Variants in FCHO2 observed in about 807,000 individuals in gnomAD.
The protein encoded by FCHO2 is F-BAR domain only protein 2.
FCHO2 carries 43 observed loss-of-function variants against 114.1 expected under a neutral mutation model. That is an observed-to-expected ratio of 0.38 (90% CI 0.30 to 0.49). The LOEUF (loss-of-function observed/expected upper bound fraction) is 0.49. Ranked by LOEUF, FCHO2 falls within the 20% of genes least tolerant of loss-of-function variation. The probability of loss-of-function intolerance (pLI) is 0.97; values close to 1 mark genes in which losing one functional copy is unlikely to be tolerated. For missense variants in FCHO2, 807 were observed against 950.4 expected, an observed-to-expected ratio of 0.85 and a Z score of 1.98; for synonymous variants, 293 against 315.2, an observed-to-expected ratio of 0.93 and a Z score of 0.75.
chr5:73,034,277 C>T (rs1309139408), intron 8 of FCHO2, among the ~76,000 whole-genome samples: 1 of 152,064 alleles, frequency 6.6e-6, no homozygotes, highest in East Asian at 1.9e-4. Context: ...CTGTTCTTCC[C>T]ATGAACACCA....
In FCHO2 at chr5:73,054,560, C is replaced by T. The variant is rs1157552248; in HGVS notation, c.1210+11C>T. On this transcript the variant is annotated intron_variant, in intron 15 of 25. Transcript: ENST00000430046. Reference sequence around the variant, plus strand: ...ATCGGAATTTGTCTAGTAAGTTTGACATTTGAATTGTTTATTTTATGTCTA... The same window carrying T: ...ATCGGAATTTGTCTAGTAAGTTTGATATTTGAATTGTTTATTTTATGTCTA... 3 of 1,531,176 alleles carry T rather than the reference C, an allele frequency of 2.0e-6. No homozygotes were observed. Among genetic ancestry groups the T allele is most frequent in the African/African-American group, 1.4e-5 (1 of 72,156 alleles). The allele number at this position is 1,531,176 out of a possible 1,614,324, so 94.8% of individuals were successfully genotyped here.
chr5:73,085,862 C>T (rs1390446754), intron 24 of FCHO2, among the ~76,000 whole-genome samples: 1 of 149,770 alleles, frequency 6.7e-6, no homozygotes, highest in African/African-American at 2.5e-5. Flanking sequence ...CGGTGGCTCA[C>T]ACCTGAAATC....
chr5:73,048,557 A>G (rs1757178048), intron 11 of FCHO2, among the ~76,000 whole-genome samples: 1 of 152,178 alleles, frequency 6.6e-6, no homozygotes, highest in African/African-American at 2.4e-5. Flanking sequence ...CATTTTGTGT[A>G]TGTACCATAG....
rs1554068866 is a variant in FCHO2, at chr5:73,020,740, T to G, written c.796+3432T>G. On this transcript the variant is annotated intron_variant, in intron 8 of 25. Coordinates refer to ENST00000430046, the MANE Select transcript of FCHO2 (RefSeq NM_138782.3). ...GCTCATTTTCTGTTCTACATCCACC[T>G]TCTCCAAAACCTTAACAAATTCTGT... 12 of 1,183,522 alleles carry G rather than the reference T, an allele frequency of 1.0e-5. 1 individual carries two copies. Among genetic ancestry groups the G allele is most frequent in the Middle Eastern group, 2.8e-4 (1 of 3,622 alleles). 73.3% of individuals were successfully genotyped at this position (1,183,522 alleles called of 1,614,324 possible).
At chr5:73,043,162 C>G (rs1448684489) in intron 11 of FCHO2, among the ~76,000 whole-genome samples, 2 of 151,948 alleles carry the variant, frequency 1.3e-5, no homozygotes, top group Non-Finnish European at 2.9e-5. Context: ...GACCTCCTGG[C>G]TTCAAGCCAT....
intron 5 of FCHO2, among the ~76,000 whole-genome samples, chr5:72,993,295 CTT>C (rs1014946416): frequency 1.3e-5 from 2 of 151,894 alleles, no homozygotes; most frequent in African/African-American, 4.8e-5. Flanking sequence ...AAACTTTAGA[CTT>C]GATATAGTCA....
intron 6 of FCHO2, among the ~76,000 whole-genome samples, chr5:73,007,382 T>C (rs1300350020): frequency 1.3e-5 from 2 of 152,220 alleles, no homozygotes; most frequent in Non-Finnish European, 2.9e-5. Context: ...ATGAGTTCTT[T>C]TACCTATATT....
intron 1 of FCHO2, among the ~76,000 whole-genome samples, chr5:72,957,656 T>C (rs1414221268): frequency 6.6e-6 from 1 of 152,196 alleles, no homozygotes; most frequent in Non-Finnish European, 1.5e-5. Context: ...GCATGAACAT[T>C]TTTGTACAAG....
chr5:73,050,362 A>G (rs987625437), intron 11 of FCHO2, among the ~76,000 whole-genome samples: 5 of 150,806 alleles, frequency 3.3e-5, no homozygotes, highest in African/African-American at 1.2e-4. Flanking sequence ...CTCTTTTGCC[A>G]GGCTGGAGTG....
At chr5:73,044,199 G>A (rs920369616) in intron 11 of FCHO2, among the ~76,000 whole-genome samples, 3 of 152,086 alleles carry the variant, frequency 2.0e-5, no homozygotes, top group Non-Finnish European at 4.4e-5. Flanking sequence ...ACTGTGAACC[G>A]ATTAAACTTC....
intron 2 of FCHO2, among the ~76,000 whole-genome samples, chr5:72,978,152 A>G (rs931132046): frequency 4.6e-5 from 7 of 152,224 alleles, no homozygotes; most frequent in African/African-American, 1.7e-4. Flanking sequence ...GAAGAAAGTC[A>G]ATGATTGCTT....
At chr5:73,050,109 CAT>C (rs1246350445) in intron 11 of FCHO2, among the ~76,000 whole-genome samples, 2 of 152,064 alleles carry the variant, frequency 1.3e-5, no homozygotes, top group African/African-American at 4.8e-5. Flanking sequence ...ATCTTTAAAA[CAT>C]AATCACAATA....
At chr5:72,956,251 C>A in intron 1 of FCHO2, 122 bp downstream of exon 1, 2 of 1,334,696 alleles carry the variant, frequency 1.5e-6, no homozygotes, top group South Asian at 1.4e-5. Context: ...GTCCTCCTGC[C>A]GCGTCCCGCC....
intron 8 of FCHO2, among the ~76,000 whole-genome samples, chr5:73,026,826 G>T (rs1357820911): frequency 6.6e-6 from 1 of 151,888 alleles, no homozygotes; most frequent in East Asian, 1.9e-4. Context: ...CAAGCAGCTG[G>T]GCTTACAGGC....
At chr5:72,974,867 C>T (rs528649180) in intron 2 of FCHO2, among the ~76,000 whole-genome samples, 2 of 152,282 alleles carry the variant, frequency 1.3e-5, no homozygotes, top group Admixed American at 1.3e-4. Context: ...ATGTTTAGCG[C>T]TTCCTTCGGG....
At position 73,015,725 on chromosome 5, in the gene FCHO2, G is replaced by A; in HGVS notation, c.699+1G>A. On this transcript the variant is annotated splice_donor_variant, in intron 7 of 25. Transcript: ENST00000430046. LOFTEE classifies it high-confidence loss of function. ...GGAAATTCATTTGCAGATAGGCCAG[G>A]TAAGTTTTTTTACTTTATGTTGAAC... The A allele has an allele frequency of 6.4e-7, 1 of 1,552,720 alleles. No individual in the cohort carries two copies. Among genetic ancestry groups the A allele is most frequent in the Non-Finnish European group, 8.6e-7 (1 of 1,156,802 alleles).
chr5:73,016,292 T>TTTAAAAAAGATTTTAAATTGTTTAAATA (rs1755305155), intron 7 of FCHO2, among the ~76,000 whole-genome samples: 1 of 146,440 alleles, frequency 6.8e-6, no homozygotes, highest in South Asian at 2.2e-4. Flanking sequence ...CTACACAAAA[T>TTTAAAAAAGATTTTAAATTGTTTAAATA]TTAAAAAATA....
At chr5:73,074,718 A>G in intron 19 of FCHO2, 24 bp from the exon 20 acceptor site, 1 of 1,590,094 alleles carries the variant, frequency 6.3e-7, no homozygotes, top group Non-Finnish European at 8.6e-7. Context: ...GAAGGATTTA[A>G]CAAGTTAATT....
At chr5:72,967,323 A>G (rs1752256492) in intron 1 of FCHO2, among the ~76,000 whole-genome samples, 1 of 152,138 alleles carries the variant, frequency 6.6e-6, no homozygotes, top group Non-Finnish European at 1.5e-5. Context: ...TTAATTAAAG[A>G]CTAGCACATA....
Sources: allele counts gnomAD v4.1 joint callset (sites outside exome capture counted in the v4.1 genomes callset), GRCh38; gene constraint gnomAD v4.1.1; transcripts MANE v1.5; gene names NCBI Gene and HGNC (gene_info 2026-07-23, HGNC 2026-07-21).